RPS6KC1: variants seen among roughly 807,000 people sequenced by gnomAD.
RPS6KC1 encodes inactive ribosomal protein S6 kinase delta-1.
Under a neutral mutation model 103.8 loss-of-function variants are expected in RPS6KC1, and 54 were observed. The observed-to-expected ratio is 0.52, with a 90% CI of 0.42 to 0.65. The LOEUF is 0.65. RPS6KC1 is among the 30% of genes least tolerant of loss of function. The probability of loss-of-function intolerance (pLI) is 0.00; values close to 1 mark genes in which losing one functional copy is unlikely to be tolerated. For synonymous variants in RPS6KC1, 439 were observed against 438.7 expected (o/e 1.00, Z -0.01); for missense variants, 1,151 against 1,253.8 (o/e 0.92, Z 1.24).
chr1:213,722,489 C>T, the RPS6KC1 span, among the ~76,000 whole-genome samples: 1 of 152,198 alleles, frequency 6.6e-6, no homozygotes, highest in African/African-American at 2.4e-5. Context: ...AGACTCTCCT[C>T]TCTTCTCTGA....
the RPS6KC1 span, among the ~76,000 whole-genome samples, chr1:213,815,584 T>G: frequency 1.5e-4 from 23 of 152,184 alleles, no homozygotes; most frequent in African/African-American, 5.5e-4. Context: ...CATAGTGGGT[T>G]TGGTTCCAGA....
chr1:213,602,078 C>CTTTCTTTCTTTTTCTT, the RPS6KC1 span, among the ~76,000 whole-genome samples: 1 of 38,584 alleles, frequency 2.6e-5, no homozygotes, highest in African/African-American at 1.6e-4. Flanking sequence ...TTCTTTCTTT[C>CTTTCTTTCTTTTTCTT]TCTTTCTTTC....
intron 5 of RPS6KC1, among the ~76,000 whole-genome samples, chr1:213,121,196 A>G (rs769801555): frequency 1.7e-4 from 26 of 152,264 alleles, no homozygotes; most frequent in Middle Eastern, 3.4e-3. Flanking sequence ...TGGCCTCCCA[A>G]AGTGCTCGCA....
intron 10 of RPS6KC1, among the ~76,000 whole-genome samples, chr1:213,232,785 A>G (rs1468039248): frequency 1.3e-5 from 2 of 152,182 alleles, no homozygotes; most frequent in Non-Finnish European, 2.9e-5. Context: ...TCTGCCTTCA[A>G]ACTATTTATG....
chr1:213,174,250 C>T (rs1291880721), intron 7 of RPS6KC1, among the ~76,000 whole-genome samples: 2 of 152,154 alleles, frequency 1.3e-5, no homozygotes, highest in Non-Finnish European at 2.9e-5. Context: ...ACAAACACTC[C>T]AGCATTCTGA....
intron 8 of RPS6KC1, among the ~76,000 whole-genome samples, chr1:213,197,923 T>C (rs1177505673): frequency 1.3e-5 from 2 of 152,184 alleles, no homozygotes; most frequent in Admixed American, 1.3e-4. Flanking sequence ...ATCTTTCACA[T>C]GGAGCATTTA....
the RPS6KC1 span, among the ~76,000 whole-genome samples, chr1:213,285,087 A>G: frequency 6.6e-6 from 1 of 152,224 alleles, no homozygotes; most frequent in African/African-American, 2.4e-5. Context: ...TGACTTATAA[A>G]CAACAAAAAT....
At chr1:213,413,129 A>G in the RPS6KC1 span, among the ~76,000 whole-genome samples, 30 of 152,344 alleles carry the variant, frequency 2.0e-4, no homozygotes, top group African/African-American at 7.2e-4. Context: ...TCTACTTTCG[A>G]AAATTTTTAA....
the RPS6KC1 span, among the ~76,000 whole-genome samples, chr1:213,660,151 C>T: frequency 6.6e-6 from 1 of 152,298 alleles, no homozygotes; most frequent in South Asian, 2.1e-4. Flanking sequence ...CCTAAAGCTA[C>T]CCTCTCTCTA....
At chr1:213,710,114 A>T in the RPS6KC1 span, among the ~76,000 whole-genome samples, 45 of 152,136 alleles carry the variant, frequency 3.0e-4, no homozygotes, top group Non-Finnish European at 2.9e-4. Flanking sequence ...TGACAGTGTG[A>T]TGTTAAAATC....
the RPS6KC1 span, among the ~76,000 whole-genome samples, chr1:213,626,775 C>A: frequency 3.7e-4 from 57 of 152,224 alleles, no homozygotes; most frequent in South Asian, 6.8e-3. Flanking sequence ...TGTTCTGTTC[C>A]ATTGGCCTAT....
At chr1:213,566,491 T>C in the RPS6KC1 span, among the ~76,000 whole-genome samples, 1 of 111,288 alleles carries the variant, frequency 9.0e-6, no homozygotes, top group Middle Eastern at 4.6e-3. Context: ...TTTTTTTTTT[T>C]GGATATTGCC....
At chr1:213,449,417 G>A in the RPS6KC1 span, among the ~76,000 whole-genome samples, 490 of 152,232 alleles carry the variant, frequency 3.2e-3, 6 homozygotes, top group African/African-American at 0.011. Context: ...GGGTTCCCCC[G>A]AGGCCTCTCT....
the RPS6KC1 span, among the ~76,000 whole-genome samples, chr1:213,641,149 T>G: frequency 1.5e-5 from 2 of 129,264 alleles, no homozygotes; most frequent in East Asian, 4.0e-4. Flanking sequence ...AACCACTGAT[T>G]CTTACTCTTT....
At chr1:213,168,388 A>G (rs2091182363) in intron 7 of RPS6KC1, among the ~76,000 whole-genome samples, 1 of 152,240 alleles carries the variant, frequency 6.6e-6, no homozygotes, top group Non-Finnish European at 1.5e-5. Context: ...TGGAATTATA[A>G]AAGCATAATT....
At chr1:213,796,601 G>A in the RPS6KC1 span, among the ~76,000 whole-genome samples, 1 of 152,102 alleles carries the variant, frequency 6.6e-6, no homozygotes, top group African/African-American at 2.4e-5. Flanking sequence ...GAGCCTGAAA[G>A]TATCACAACA....
the RPS6KC1 span, among the ~76,000 whole-genome samples, chr1:213,835,631 A>T: frequency 3.9e-5 from 6 of 152,182 alleles, no homozygotes; most frequent in Admixed American, 3.9e-4. Flanking sequence ...CATGGAAGAG[A>T]TCCTTTTCTC....
At chr1:213,563,467 G>T in the RPS6KC1 span, among the ~76,000 whole-genome samples, 1 of 151,832 alleles carries the variant, frequency 6.6e-6, no homozygotes, top group Non-Finnish European at 1.5e-5. Flanking sequence ...GATACATTTA[G>T]ATTTATTTCT....
At chr1:213,189,200 G>A (rs768395397) in intron 8 of RPS6KC1, among the ~76,000 whole-genome samples, 8 of 152,096 alleles carry the variant, frequency 5.3e-5, no homozygotes, top group Non-Finnish European at 8.8e-5. Flanking sequence ...TGAAATCCCA[G>A]CACTTTGAGA....
Sources: gnomAD v4.1 joint callset for allele counts (sites outside exome capture counted in the v4.1 genomes callset) on GRCh38, gnomAD v4.1.1 for gene constraint, MANE v1.5 for transcripts, NCBI Gene and HGNC (gene_info 2026-07-23, HGNC 2026-07-21) for gene names.